The following MEI4 variants were observed in gnomAD, a reference collection of about 807,000 sequenced individuals.
MEI4 encodes the protein meiotic double-stranded break formation protein 4, also known as meiosis-specific protein MEI4.
MEI4 carries 27 observed loss-of-function variants against 31.4 expected under a neutral mutation model. The ratio of observed to expected loss-of-function variants is 0.86; its 90% CI spans 0.63 to 1.19. The LOEUF (loss-of-function observed/expected upper bound fraction) is 1.19. MEI4 is among the 50% of genes most tolerant of loss of function. MEI4 has a pLI of 0.00. For synonymous variants in MEI4, 122 were observed against 145.4 expected, an observed-to-expected ratio of 0.84 and a Z score of 1.16; for missense variants, 329 against 398.9, an observed-to-expected ratio of 0.82 and a Z score of 1.49.
Position 77,830,833 on chromosome 6 carries a change from T to C in MEI4, c.900+1771T>C, listed in dbSNP as rs527639769. On this transcript the variant is annotated intron_variant, in intron 4 of 4. Transcript: ENST00000684080. ...AACACTGGGAAGTGCTGTAGGACAT[T>C]GGCCTGGACAAAGATTTTTTTGGGT... 8.5e-5 allele frequency among the ~76,000 whole-genome samples: 13 copies of C among 152,092 alleles called. 1 individual carries two copies. The South Asian group carries it at 2.5e-3, about 29-fold the overall frequency.
intron 3 of MEI4, among the ~76,000 whole-genome samples, chr6:77,784,485 T>G (rs966436969): frequency 6.6e-6 from 1 of 152,114 alleles, no homozygotes; most frequent in Non-Finnish European, 1.5e-5. Flanking sequence ...TATATAAAAA[T>G]AGATTAATGT....
intron 4 of MEI4, among the ~76,000 whole-genome samples, chr6:77,914,588 T>A (rs572379109): frequency 6.6e-6 from 1 of 152,238 alleles, no homozygotes; most frequent in East Asian, 1.9e-4. Context: ...GTCTGTTAGG[T>A]CCATTTGGTC....
chr6:77,753,272 A>G (rs574921000), intron 2 of MEI4, among the ~76,000 whole-genome samples: 84 of 152,324 alleles, frequency 5.5e-4, no homozygotes, highest in African/African-American at 1.9e-3. Context: ...TAAACTAAAG[A>G]GCTTCTGCAC....
At chr6:77,869,112 T>TG (rs1771134489) in intron 4 of MEI4, among the ~76,000 whole-genome samples, 1 of 152,130 alleles carries the variant, frequency 6.6e-6, no homozygotes, top group South Asian at 2.1e-4. Flanking sequence ...ATGGGAATAT[T>TG]GCAGTAAGCA....
At chr6:77,761,756 G>A (rs1582114535) in intron 3 of MEI4, 91 bp downstream of exon 3, 3 of 879,706 alleles carry the variant, frequency 3.4e-6, no homozygotes, top group Non-Finnish European at 3.0e-6. Flanking sequence ...CCTTAGCCTT[G>A]TGGCTCAAGG....
At chr6:77,780,190 A>ATTTTTC (rs1768557896) in intron 3 of MEI4, among the ~76,000 whole-genome samples, 1 of 152,172 alleles carries the variant, frequency 6.6e-6, no homozygotes, top group African/African-American at 2.4e-5. Context: ...CTTCAGTAAA[A>ATTTTTC]GATTTGGCTG....
chr6:77,715,599 A>T (rs956650485), intron 2 of MEI4, among the ~76,000 whole-genome samples: 1 of 152,186 alleles, frequency 6.6e-6, no homozygotes, highest in African/African-American at 2.4e-5. Flanking sequence ...ATGCTAGATA[A>T]TAGACTCTGC....
intron 2 of MEI4, among the ~76,000 whole-genome samples, chr6:77,746,416 G>T (rs1456980453): frequency 1.3e-5 from 2 of 151,758 alleles, no homozygotes; most frequent in African/African-American, 4.8e-5. Flanking sequence ...CCTTAAGTAA[G>T]GGGGGACTCC....
chr6:77,867,457 C>G (rs564860468), intron 4 of MEI4, among the ~76,000 whole-genome samples: 1 of 152,256 alleles, frequency 6.6e-6, no homozygotes, highest in South Asian at 2.1e-4. Context: ...CCAAAAGATA[C>G]ATGAAAAAAT....
intron 2 of MEI4, among the ~76,000 whole-genome samples, chr6:77,719,051 T>G (rs2127662882): frequency 7.5e-6 from 1 of 134,172 alleles, no homozygotes; most frequent in South Asian, 2.4e-4. Flanking sequence ...TTTTTTATGC[T>G]TATGTTTGTC....
intron 2 of MEI4, among the ~76,000 whole-genome samples, chr6:77,732,390 A>G (rs1249281052): frequency 6.6e-6 from 1 of 151,982 alleles, no homozygotes; most frequent in Non-Finnish European, 1.5e-5. Context: ...CTTTGAAGCA[A>G]TTGTGAATGG....
chr6:77,736,725 C>T (rs941992729), intron 2 of MEI4, among the ~76,000 whole-genome samples: 12 of 152,070 alleles, frequency 7.9e-5, no homozygotes, highest in African/African-American at 2.9e-4. Flanking sequence ...AGTTTAAGCC[C>T]TGCCCATAGC....
At chr6:77,863,793 T>C (rs1260650161) in intron 4 of MEI4, among the ~76,000 whole-genome samples, 1 of 151,994 alleles carries the variant, frequency 6.6e-6, no homozygotes, top group Non-Finnish European at 1.5e-5. Flanking sequence ...TTCACCAAAG[T>C]TGAAATGAAG....
chr6:77,784,120 G>A (rs781405766), intron 3 of MEI4, among the ~76,000 whole-genome samples: 9 of 152,096 alleles, frequency 5.9e-5, no homozygotes, highest in Non-Finnish European at 1.0e-4. Context: ...CAGACCCACT[G>A]AATCTCTGGG....
chr6:77,679,273 A>G (rs1157460833), intron 1 of MEI4, among the ~76,000 whole-genome samples: 2 of 152,188 alleles, frequency 1.3e-5, no homozygotes, highest in Admixed American at 6.5e-5. Context: ...ACCCAGAACA[A>G]CTTCCAGACA....
intron 3 of MEI4, among the ~76,000 whole-genome samples, chr6:77,795,698 T>G (rs1226652925): frequency 6.6e-6 from 1 of 150,996 alleles, no homozygotes; most frequent in Non-Finnish European, 1.5e-5. Flanking sequence ...ATACACAACC[T>G]ACCAAGACTG....
At chr6:77,687,646 A>G (rs1019216110) in intron 1 of MEI4, among the ~76,000 whole-genome samples, 2 of 151,686 alleles carry the variant, frequency 1.3e-5, no homozygotes, top group Non-Finnish European at 2.9e-5. Flanking sequence ...GTCAGGCTTG[A>G]TAACTTGCTA....
intron 2 of MEI4, among the ~76,000 whole-genome samples, chr6:77,755,990 G>C (rs1767907574): frequency 6.6e-6 from 1 of 152,004 alleles, no homozygotes; most frequent in Non-Finnish European, 1.5e-5. Flanking sequence ...AGTGTCTCCT[G>C]GAAAAACAGG....
chr6:77,835,456 A>G (rs555129866), intron 4 of MEI4, among the ~76,000 whole-genome samples: 1 of 151,832 alleles, frequency 6.6e-6, no homozygotes, highest in Non-Finnish European at 1.5e-5. Context: ...GAAAAAAAGG[A>G]AAAAATGGGG....
Sources: allele counts gnomAD v4.1 joint callset (sites outside exome capture counted in the v4.1 genomes callset), GRCh38; gene constraint gnomAD v4.1.1; transcripts MANE v1.5; gene names NCBI Gene and HGNC (gene_info 2026-07-23, HGNC 2026-07-21).